The following MCPH1 variants were observed in gnomAD, a reference collection of about 807,000 sequenced individuals.
MCPH1 encodes microcephalin 1.
Under a neutral mutation model 84.5 loss-of-function variants are expected in MCPH1, and 104 were observed. The observed-to-expected ratio is 1.23, with a 90% CI of 1.05 to 1.45. MCPH1 has a LOEUF of 1.45. Among genes scored for constraint, MCPH1 ranks in the 40% most tolerant of loss-of-function variants. The probability of loss-of-function intolerance (pLI) is 0.00; values close to 1 mark genes in which losing one functional copy is unlikely to be tolerated. For missense variants in MCPH1, 1,498 were observed against 1,005.7 expected (o/e 1.49, Z -6.62); for synonymous variants, 514 against 366.8 (o/e 1.40, Z -4.58).
chr8:6,500,218 C>A, intron 12 of MCPH1: 1 of 407,870 alleles, frequency 2.5e-6, no homozygotes, highest in South Asian at 2.3e-5. Flanking sequence ...AATTCTTGGG[C>A]AGGTAGTCTT....
intron 9 of MCPH1, among the ~76,000 whole-genome samples, chr8:6,464,524 G>C (rs1469113315): frequency 1.3e-5 from 2 of 152,234 alleles, no homozygotes; most frequent in Non-Finnish European, 2.9e-5. Context: ...GTGTGGTTCA[G>C]AAATTGTCAA....
intron 13 of MCPH1, among the ~76,000 whole-genome samples, chr8:6,641,962 C>T (rs1446897299): frequency 1.3e-5 from 2 of 152,174 alleles, no homozygotes; most frequent in African/African-American, 4.8e-5. Flanking sequence ...GGTAGAAGCA[C>T]ATTTGTATTG....
At chr8:6,421,636 C>G (rs921732558) in intron 3 of MCPH1, among the ~76,000 whole-genome samples, 3 of 152,138 alleles carry the variant, frequency 2.0e-5, no homozygotes, top group Non-Finnish European at 2.9e-5. Context: ...TATTGGAACA[C>G]AGGCATGTTC....
At chr8:6,636,267 G>C (rs1422040110) in intron 13 of MCPH1, among the ~76,000 whole-genome samples, 3 of 151,472 alleles carry the variant, frequency 2.0e-5, no homozygotes, top group Admixed American at 1.3e-4. Context: ...TTGAGCCTGG[G>C]AGGTAGAGAT....
chr8:6,505,261 T>TC (rs1563305264), intron 12 of MCPH1, among the ~76,000 whole-genome samples: 6 of 116,676 alleles, frequency 5.1e-5, no homozygotes, highest in East Asian at 4.5e-4. Context: ...TTATATATGT[T>TC]TTATATATAT....
rs533105752 is a variant in MCPH1 at position 6,416,667 on chromosome 8, T to C, written c.233+1784T>C. ...CAGTCCTAGGATAAATCCTACTTGGTCATGTTGTATACGTTGTCATCTTGC... is the reference window on the plus strand; with the variant it reads ...CAGTCCTAGGATAAATCCTACTTGGCCATGTTGTATACGTTGTCATCTTGC... On this transcript the variant is annotated intron_variant, in intron 3 of 13. Coordinates refer to ENST00000344683, the MANE Select transcript of MCPH1 (RefSeq NM_024596.5). Among the ~76,000 whole-genome samples, 70 of 152,282 alleles carry C rather than the reference T, an allele frequency of 4.6e-4. No individual in the cohort carries two copies. The Middle Eastern group carries it at 0.01, about 22-fold the overall frequency.
chr8:6,416,209 T>C (rs989032471), intron 3 of MCPH1, among the ~76,000 whole-genome samples: 8 of 152,234 alleles, frequency 5.3e-5, no homozygotes, highest in African/African-American at 1.9e-4. Context: ...ATTTTCTATA[T>C]GCAATGTTGT....
intron 11 of MCPH1, among the ~76,000 whole-genome samples, chr8:6,484,225 GCT>G: frequency 6.6e-6 from 1 of 152,238 alleles, no homozygotes; most frequent in South Asian, 2.1e-4. Context: ...AAACAGAACA[GCT>G]CAAACAAAAA....
intron 12 of MCPH1, among the ~76,000 whole-genome samples, chr8:6,611,756 C>A (rs539141201): frequency 1.3e-5 from 2 of 152,176 alleles, no homozygotes; most frequent in Non-Finnish European, 2.9e-5. Context: ...GTAGCTGGGA[C>A]TACAGGCGTC....
chr8:6,415,599 C>G (rs1171717054), intron 3 of MCPH1, among the ~76,000 whole-genome samples: 2 of 152,144 alleles, frequency 1.3e-5, no homozygotes, highest in African/African-American at 4.8e-5. Context: ...GGTGATCCAC[C>G]TGCCTCGGCC....
intron 12 of MCPH1, among the ~76,000 whole-genome samples, chr8:6,617,900 A>AATCATCT (rs1554480976): frequency 7.0e-6 from 1 of 143,014 alleles, no homozygotes; most frequent in Admixed American, 7.1e-5. Flanking sequence ...CTATCTATCT[A>AATCATCT]ATCTATCTAT....
chr8:6,527,302 G>A (rs536200849), intron 12 of MCPH1, among the ~76,000 whole-genome samples: 4 of 152,310 alleles, frequency 2.6e-5, no homozygotes, highest in Admixed American at 6.5e-5. Flanking sequence ...CTGAGGCAGG[G>A]TTTGGAGGAT....
intron 12 of MCPH1, among the ~76,000 whole-genome samples, chr8:6,617,933 A>ATCTATCTATCTATCTATCTATCTT (rs1563197054): frequency 6.6e-6 from 1 of 151,478 alleles, no homozygotes; most frequent in Non-Finnish European, 1.5e-5. Flanking sequence ...CTATCTATCT[A>ATCTATCTATCTATCTATCTATCTT]TCTATCTATC....
At position 6,626,377 on chromosome 8, in the gene MCPH1, C is replaced by A. The variant is rs1006067763; in HGVS notation, c.2452+4686C>A. On this transcript the variant is annotated intron_variant, in intron 13 of 13. Coordinates refer to ENST00000344683, the MANE Select transcript of MCPH1 (RefSeq NM_024596.5). ...ACGTTCCCTCTTCATTCCCTGGAGT[C>A]TTTTTTCCCTGAAACTGTATTGTAC... is the stretch of plus-strand genomic sequence containing the variant. 16 of 984,114 alleles carry A rather than the reference C, an allele frequency of 1.6e-5. No individual in the cohort carries two copies. In the African/African-American group the frequency reaches 2.8e-4, roughly 17 times the overall value. 61.0% of individuals were successfully genotyped at this position (984,114 alleles called of 1,614,324 possible). A position where few individuals can be genotyped will look rare whatever the true frequency, so the allele number is the denominator to read the frequency against.
intron 12 of MCPH1, among the ~76,000 whole-genome samples, chr8:6,611,975 C>T (rs534511020): frequency 6.6e-6 from 1 of 152,266 alleles, no homozygotes; most frequent in Non-Finnish European, 1.5e-5. Context: ...AAATCATTGG[C>T]CATTGAGTGA....
chr8:6,574,321 C>T lies in MCPH1; in HGVS notation c.2215-47133C>T, dbSNP rs140048651. 5.6e-3 allele frequency among the ~76,000 whole-genome samples: 855 copies of T among 152,076 alleles called. 5 individuals are homozygous for T. The highest frequency in any genetic ancestry group is 0.019 in the African/African-American group (807 of 41,474). ...CCATCCTAGCTTCTGGTGTTGCTGG[C>T]CTCATCGTCTCATGGTATTCTCCCT... On this transcript the variant is annotated intron_variant, in intron 12 of 13. Coordinates refer to ENST00000344683, the MANE Select transcript of MCPH1 (RefSeq NM_024596.5).
chr8:6,514,684 T>C, intron 12 of MCPH1: 1 of 1,613,890 alleles, frequency 6.2e-7, no homozygotes, highest in Non-Finnish European at 8.5e-7. Flanking sequence ...TACCACTTTA[T>C]ATTCTTTCCA....
At chr8:6,421,242 G>C (rs1800154206) in intron 3 of MCPH1, among the ~76,000 whole-genome samples, 1 of 152,156 alleles carries the variant, frequency 6.6e-6, no homozygotes, top group African/African-American at 2.4e-5. Flanking sequence ...CAACAGGTGT[G>C]GACTGTCAGG....
chr8:6,641,406 A>T (rs1363865141), intron 13 of MCPH1, among the ~76,000 whole-genome samples: 1 of 152,224 alleles, frequency 6.6e-6, no homozygotes, highest in Non-Finnish European at 1.5e-5. Context: ...ATATAATTTG[A>T]ATACATAAGA....
Sources: allele counts gnomAD v4.1 joint callset (sites outside exome capture counted in the v4.1 genomes callset), GRCh38; gene constraint gnomAD v4.1.1; transcripts MANE v1.5; gene names NCBI Gene and HGNC (gene_info 2026-07-23, HGNC 2026-07-21).